Variants in MREG observed in about 807,000 individuals in gnomAD.
MREG encodes melanoregulin.
In MREG, 31 loss-of-function variants were observed where a neutral mutation model predicts 28.5. The ratio of observed to expected loss-of-function variants is 1.09; its 90% CI spans 0.82 to 1.47. The LOEUF (loss-of-function observed/expected upper bound fraction) is 1.47. Ranked by LOEUF, MREG falls within the 40% of genes most tolerant of loss-of-function variation. The pLI is 0.00. For missense variants in MREG, 256 were observed against 257.4 expected, an observed-to-expected ratio of 0.99 and a Z score of 0.04; for synonymous variants, 106 against 95.2, an observed-to-expected ratio of 1.11 and a Z score of -0.66.
At chr2:215,996,102 A>G (rs1693866095) in intron 2 of MREG, among the ~76,000 whole-genome samples, 1 of 152,204 alleles carries the variant, frequency 6.6e-6, no homozygotes, top group African/African-American at 2.4e-5. Context: ...ATTAGAAATG[A>G]GCCTTATCTC....
At chr2:216,031,459 GAA>G (rs1313893558) in intron 1 of MREG, among the ~76,000 whole-genome samples, 23 of 123,978 alleles carry the variant, frequency 1.9e-4, no homozygotes, top group African/African-American at 5.6e-4. Context: ...AAGAAAGAGA[GAA>G]AGAAAGAAAG....
rs148365522 is a variant in MREG, at chr2:215,945,611, G to A, written c.470C>T (p.Pro157Leu). 2 of 1,613,876 alleles carry A rather than the reference G, an allele frequency of 1.2e-6. No homozygotes were observed. Among genetic ancestry groups the A allele is most frequent in the African/African-American group, 2.7e-5 (2 of 75,026 alleles). The change falls in exon 4 of 5, where the codon CCA (proline) becomes CTA (leucine). Residue 157 changes from proline to leucine, a missense_variant. Transcript: ENST00000263268. ...TCTCTCTGAGAGCTCCCAACTTGTT[G>A]GGAAAATATTGGTTTCTTCAGCCAG... ...LKLAEETNIF[P>L]TSWELSERYL...
At chr2:216,028,298 G>A (rs1250898986) in intron 1 of MREG, among the ~76,000 whole-genome samples, 1 of 152,016 alleles carries the variant, frequency 6.6e-6, no homozygotes, top group Non-Finnish European at 1.5e-5. Context: ...GATGGATCAC[G>A]AGGTCAGGAG....
At chr2:215,983,686 C>T (rs1195806515) in intron 2 of MREG, among the ~76,000 whole-genome samples, 1 of 152,160 alleles carries the variant, frequency 6.6e-6, no homozygotes, top group Non-Finnish European at 1.5e-5. Context: ...AGTATTGCCT[C>T]TGTAGTTTTA....
At chr2:215,996,159 A>G in intron 2 of MREG, 147 bp downstream of exon 2, 1 of 803,894 alleles carries the variant, frequency 1.2e-6, no homozygotes, top group Non-Finnish European at 1.9e-6. Context: ...GCAACCAGTG[A>G]TAATATATGC....
chr2:215,951,126 C>A (rs995231238), intron 2 of MREG, among the ~76,000 whole-genome samples: 2 of 152,108 alleles, frequency 1.3e-5, no homozygotes, highest in African/African-American at 4.8e-5. Context: ...CCTGTACAGC[C>A]TGTGGAACTG....
chr2:215,974,487 G>A (rs994220249), intron 2 of MREG, among the ~76,000 whole-genome samples: 10 of 152,034 alleles, frequency 6.6e-5, no homozygotes, highest in African/African-American at 1.2e-4. Flanking sequence ...GTTCCACTGC[G>A]TCTGTATCTG....
chr2:215,943,416 C>A lies in MREG; in HGVS notation c.*1447G>T, dbSNP rs1692231513. On this transcript the variant is annotated 3_prime_UTR_variant, in exon 5 of 5. Transcript: ENST00000263268. ...AAGATCTTCAGTGCAATACTCCCTG[C>A]ATATGTGCAAGTCTGCATGAGAGGT... 2.2e-6 allele frequency: 1 copy of A among 456,614 alleles called. No individual in the cohort carries two copies. Among genetic ancestry groups the A allele is most frequent in the African/African-American group, 2.0e-5 (1 of 50,080 alleles). 28.3% of individuals were successfully genotyped at this position (456,614 alleles called of 1,614,324 possible).
At chr2:216,012,984 C>A (rs1199401515) in intron 1 of MREG, among the ~76,000 whole-genome samples, 1 of 152,230 alleles carries the variant, frequency 6.6e-6, no homozygotes, top group Non-Finnish European at 1.5e-5. Context: ...CACCCGAATT[C>A]TTGGCACTTT....
In MREG at chr2:216,005,444, C is replaced by CTTTTTTTTTTT. The variant is rs58288878; in HGVS notation, c.95+7778_95+7788dup. 2.1e-4 allele frequency among the ~76,000 whole-genome samples: 18 copies of CTTTTTTTTTTT among 86,326 alleles called. 1 individual carries two copies. The highest frequency in any genetic ancestry group is 3.5e-4 in the East Asian group (1 of 2,878). 56.6% of individuals were successfully genotyped at this position (86,326 alleles called of 152,430 possible). ...CACGAGTATTCACTTTCTAGTTATT[C>CTTTTTTTTTTT]TTTTTTTTTTTTTTTTTTTTTTTTT... On this transcript the variant is annotated intron_variant, in intron 1 of 4. Transcript: ENST00000263268.
intron 1 of MREG, among the ~76,000 whole-genome samples, chr2:216,028,209 C>A (rs960313080): frequency 6.6e-6 from 1 of 152,038 alleles, no homozygotes; most frequent in African/African-American, 2.4e-5. Context: ...ATGTCTTTCA[C>A]GAACTTGCTC....
At chr2:215,961,998 T>C (rs906372018) in intron 2 of MREG, among the ~76,000 whole-genome samples, 1 of 152,206 alleles carries the variant, frequency 6.6e-6, no homozygotes, top group Non-Finnish European at 1.5e-5. Context: ...GGCACATCCA[T>C]AGCCTGGTTA....
intron 2 of MREG, among the ~76,000 whole-genome samples, chr2:215,952,180 T>G (rs924411857): frequency 6.6e-6 from 1 of 152,194 alleles, no homozygotes; most frequent in African/African-American, 2.4e-5. Flanking sequence ...CCATAAACAC[T>G]TAAGTTGTTT....
intron 2 of MREG, among the ~76,000 whole-genome samples, chr2:215,969,989 T>C (rs569497206): frequency 3.9e-5 from 6 of 152,352 alleles, no homozygotes; most frequent in East Asian, 3.9e-4. Context: ...ATTCTCACCA[T>C]GGCCTACATT....
chr2:216,013,028 G>T (rs1462361796), intron 1 of MREG, among the ~76,000 whole-genome samples: 3 of 152,176 alleles, frequency 2.0e-5, no homozygotes, highest in Non-Finnish European at 1.5e-5. Context: ...AGGTGTCTCC[G>T]AAGATTTGTG....
At chr2:215,989,978 T>G (rs1340522022) in intron 2 of MREG, among the ~76,000 whole-genome samples, 1 of 152,178 alleles carries the variant, frequency 6.6e-6, no homozygotes, top group Non-Finnish European at 1.5e-5. Context: ...CTCTTCAGGA[T>G]ATTATCCACA....
Position 215,955,370 on chromosome 2 carries a change from T to C in MREG, c.256-8257A>G, listed in dbSNP as rs541204388. 2.0e-5 allele frequency among the ~76,000 whole-genome samples: 3 copies of C among 152,346 alleles called. No homozygotes were observed. The East Asian group carries it at 5.8e-4, about 29-fold the overall frequency. On this transcript the variant is annotated intron_variant, in intron 2 of 4. Coordinates refer to ENST00000263268, the MANE Select transcript of MREG (RefSeq NM_018000.3). ...CGCTTCCTAGTCATTCTTTCCAATA[T>C]CACTGTTGAAAAGCATTAAGCTCCC... is the stretch of plus-strand genomic sequence containing the variant.
At chr2:216,008,284 G>A (rs1237242601) in intron 1 of MREG, among the ~76,000 whole-genome samples, 10 of 152,068 alleles carry the variant, frequency 6.6e-5, no homozygotes, top group Non-Finnish European at 1.5e-4. Context: ...GACAGACTAG[G>A]CACTGTTGTA....
At chr2:216,021,357 G>T (rs908058679) in intron 1 of MREG, among the ~76,000 whole-genome samples, 3 of 152,098 alleles carry the variant, frequency 2.0e-5, no homozygotes, top group African/African-American at 4.8e-5. Flanking sequence ...CAAAGTGCTG[G>T]GATTACAGGC....
Sources: gnomAD v4.1 joint callset for allele counts (sites outside exome capture counted in the v4.1 genomes callset) on GRCh38, gnomAD v4.1.1 for gene constraint, MANE v1.5 for transcripts, NCBI Gene and HGNC (gene_info 2026-07-23, HGNC 2026-07-21) for gene names.